The following CMSS1 variants were observed in gnomAD, a reference collection of about 807,000 sequenced individuals.
CMSS1 encodes the protein protein CMSS1.
A neutral mutation model predicts 43.5 loss-of-function variants in CMSS1; 33 were observed. The ratio of observed to expected loss-of-function variants is 0.76; its 90% CI spans 0.57 to 1.01. The LOEUF is 1.01. Ranked by LOEUF, CMSS1 falls within the 50% of genes least tolerant of loss-of-function variation. The probability of loss-of-function intolerance (pLI) is 0.00; values close to 1 mark genes in which losing one functional copy is unlikely to be tolerated. For synonymous variants in CMSS1, 115 were observed against 117.2 expected (o/e 0.98, Z 0.12); for missense variants, 313 against 326.4 (o/e 0.96, Z 0.32).
intron 1 of CMSS1, among the ~76,000 whole-genome samples, chr3:100,082,635 G>A (rs2065949850): frequency 6.6e-6 from 1 of 152,134 alleles, no homozygotes; most frequent in South Asian, 2.1e-4. Flanking sequence ...GGGTCCCACA[G>A]GGTAACTATT....
intron 1 of CMSS1, among the ~76,000 whole-genome samples, chr3:100,122,423 T>G (rs2066629060): frequency 6.6e-6 from 1 of 152,224 alleles, no homozygotes; most frequent in African/African-American, 2.4e-5. Context: ...AGGGTACTTC[T>G]TAGTTTCCAA....
chr3:99,899,986 C>T lies in CMSS1; in HGVS notation c.64+81943C>T, dbSNP rs377442558. 1.5e-4 allele frequency among the ~76,000 whole-genome samples: 23 copies of T among 152,162 alleles called. No homozygotes were observed. The East Asian group carries it at 2.3e-3, about 15-fold the overall frequency. ...TCTGGTTCTACTGGATCTTTGAAAT[C>T]GTATAATTCTGAGGTCAGAACCAAC... On this transcript the variant is annotated intron_variant, in intron 1 of 9. Transcript: ENST00000421999.
At chr3:99,821,135 G>A (rs1942430778) in intron 1 of CMSS1, among the ~76,000 whole-genome samples, 1 of 152,216 alleles carries the variant, frequency 6.6e-6, no homozygotes, top group Non-Finnish European at 1.5e-5. Flanking sequence ...GATGTGGTAT[G>A]TAACAAAGTT....
chr3:100,127,847 C>A (rs527347739), intron 1 of CMSS1, among the ~76,000 whole-genome samples: 3 of 152,188 alleles, frequency 2.0e-5, no homozygotes, highest in African/African-American at 7.2e-5. Context: ...TAAGTACAGC[C>A]CAAATGATCC....
chr3:99,861,605 A>G (rs1944258907), intron 1 of CMSS1, among the ~76,000 whole-genome samples: 1 of 152,106 alleles, frequency 6.6e-6, no homozygotes, highest in African/African-American at 2.4e-5. Context: ...TGTTTGCCCA[A>G]GGTAGCCTTC....
chr3:100,094,830 C>G (rs2107443326), intron 1 of CMSS1, among the ~76,000 whole-genome samples: 1 of 152,006 alleles, frequency 6.6e-6, no homozygotes, highest in South Asian at 2.1e-4. Context: ...ACTACAGGCA[C>G]CTGCCACCAC....
chr3:100,094,674 C>CTTT lies in CMSS1; in HGVS notation c.65-52272_65-52270dup, dbSNP rs71132509. Among the ~76,000 whole-genome samples the CTTT allele has an allele frequency of 1.2e-4, 7 of 57,014 alleles. 1 individual carries two copies. Among genetic ancestry groups the CTTT allele is most frequent in the South Asian group, 7.7e-4 (1 of 1,306 alleles). The allele number at this position is 57,014 out of a possible 152,430, so 37.4% of individuals were successfully genotyped here. A position where few individuals can be genotyped will look rare whatever the true frequency, so the allele number is the denominator to read the frequency against. ...CAGCACCATTTGTTGGAAAAGCTGCCTTTTTTTTTTTTTTTTTTTTTTTTT... is the reference window on the plus strand; with the variant it reads ...CAGCACCATTTGTTGGAAAAGCTGCCTTTTTTTTTTTTTTTTTTTTTTTTTTTT... On this transcript the variant is annotated intron_variant, in intron 1 of 9. Transcript: ENST00000421999.
chr3:100,155,063 A>T (rs989399443), intron 2 of CMSS1, among the ~76,000 whole-genome samples: 3 of 152,150 alleles, frequency 2.0e-5, no homozygotes, highest in Non-Finnish European at 4.4e-5. Context: ...TTTTTTCCTT[A>T]CTTTCTGCCT....
chr3:99,817,903 T>C lies in CMSS1; in HGVS notation c.-77T>C. 6.6e-7 allele frequency: 1 copy of C among 1,511,958 alleles called. No individual in the cohort carries two copies. 93.7% of individuals were successfully genotyped at this position (1,511,958 alleles called of 1,614,324 possible). A position where few individuals can be genotyped will look rare whatever the true frequency, so the allele number is the denominator to read the frequency against. Reference sequence around the variant, plus strand: ...TCCGCGTGTAGCTACGCCGGCCGCCTGGCTTTGAGACAACGTGATTCTCCG... The same window carrying C: ...TCCGCGTGTAGCTACGCCGGCCGCCCGGCTTTGAGACAACGTGATTCTCCG... On this transcript the variant is annotated 5_prime_UTR_variant, in exon 1 of 10. Coordinates refer to ENST00000421999, the MANE Select transcript of CMSS1 (RefSeq NM_032359.4).
chr3:99,922,778 A>G (rs1007117583), intron 1 of CMSS1, among the ~76,000 whole-genome samples: 1 of 152,208 alleles, frequency 6.6e-6, no homozygotes, highest in Non-Finnish European at 1.5e-5. Flanking sequence ...TACCCTACAT[A>G]TGGTTAGAAA....
At chr3:99,878,138 A>G (rs1705598004) in intron 1 of CMSS1, among the ~76,000 whole-genome samples, 1 of 152,274 alleles carries the variant, frequency 6.6e-6, no homozygotes, top group East Asian at 1.9e-4. Flanking sequence ...TTACATTACT[A>G]ATGTGTTACT....
In CMSS1 at chr3:100,146,956, A is replaced by T. The variant is rs1303598461; in HGVS notation, c.65-17A>T. On this transcript the variant is annotated splice_polypyrimidine_tract_variant and intron_variant, in intron 1 of 9. Coordinates refer to ENST00000421999, the MANE Select transcript of CMSS1 (RefSeq NM_032359.4). ...GAGAGAGAGACTTTTCTGATTTTCA[A>T]ACTTTATATTTTCTAGAAGCATCAG... The T allele has an allele frequency of 6.2e-7, 1 of 1,611,610 alleles. No individual in the cohort carries two copies. The highest frequency in any genetic ancestry group is 2.2e-5 in the East Asian group (1 of 44,830).
chr3:100,045,361 G>A (rs2065262634), intron 1 of CMSS1, among the ~76,000 whole-genome samples: 1 of 152,188 alleles, frequency 6.6e-6, no homozygotes, highest in Non-Finnish European at 1.5e-5. Flanking sequence ...CTCTGAGTTA[G>A]CACTAATTGA....
intron 1 of CMSS1, among the ~76,000 whole-genome samples, chr3:99,837,754 G>A (rs1015869088): frequency 6.6e-6 from 1 of 152,208 alleles, no homozygotes; most frequent in Non-Finnish European, 1.5e-5. Context: ...TTAAGTTACA[G>A]TGTTCCTTGA....
At chr3:99,934,656 T>A (rs79281972) in intron 1 of CMSS1, among the ~76,000 whole-genome samples, 12,011 of 152,272 alleles carry the variant, frequency 0.079, 553 homozygotes, top group Admixed American at 0.11. Flanking sequence ...AGTAGTGCCC[T>A]TTTAGCTTAA....
At chr3:100,143,487 C>A (rs1201888561) in intron 1 of CMSS1, among the ~76,000 whole-genome samples, 1 of 152,074 alleles carries the variant, frequency 6.6e-6, no homozygotes, top group East Asian at 1.9e-4. Context: ...TCTTGGTAGA[C>A]CCTCTGTGAC....
intron 1 of CMSS1, among the ~76,000 whole-genome samples, chr3:99,924,740 T>C (rs1707236954): frequency 6.6e-6 from 1 of 152,226 alleles, no homozygotes; most frequent in Non-Finnish European, 1.5e-5. Context: ...CAGGCTGGTC[T>C]TGAACTCCTG....
At chr3:100,082,822 G>A (rs975267564) in intron 1 of CMSS1, among the ~76,000 whole-genome samples, 9 of 152,086 alleles carry the variant, frequency 5.9e-5, no homozygotes, top group South Asian at 4.2e-4. Flanking sequence ...ACTTACCTTC[G>A]TTGACTTAAG....
chr3:100,088,121 G>A (rs1215045455), intron 1 of CMSS1, among the ~76,000 whole-genome samples: 1 of 152,142 alleles, frequency 6.6e-6, no homozygotes, highest in Non-Finnish European at 1.5e-5. Context: ...ATGAGCCACT[G>A]CACCTGGCTC....
Sources: allele counts gnomAD v4.1 joint callset (sites outside exome capture counted in the v4.1 genomes callset), GRCh38; gene constraint gnomAD v4.1.1; transcripts MANE v1.5; gene names NCBI Gene and HGNC (gene_info 2026-07-23, HGNC 2026-07-21).